TOMM20L: variants seen among roughly 807,000 people sequenced by gnomAD.
The protein encoded by TOMM20L is TOMM20-like protein 1.
TOMM20L carries 19 observed loss-of-function variants against 20.4 expected under a neutral mutation model. The observed-to-expected ratio is 0.93, with a 90% CI of 0.65 to 1.36. The LOEUF is 1.36. Ranked by LOEUF, TOMM20L falls within the 40% of genes most tolerant of loss-of-function variation. TOMM20L has a pLI of 0.00. For missense variants in TOMM20L, 218 were observed against 203.7 expected (o/e 1.07, Z -0.43); for synonymous variants, 75 against 79.6 (o/e 0.94, Z 0.30).
downstream of TOMM20L, among the ~76,000 whole-genome samples, chr14:58,413,046 C>A (rs1474103186): frequency 2.0e-5 from 3 of 152,102 alleles, no homozygotes; most frequent in African/African-American, 7.2e-5. Flanking sequence ...TCGAATACAT[C>A]AAAAATATCA....
chr14:58,407,137 A>G (rs1002943080), intron 3 of TOMM20L, among the ~76,000 whole-genome samples, 189 bp from the exon 4 acceptor site: 3 of 152,152 alleles, frequency 2.0e-5, no homozygotes, highest in African/African-American at 7.2e-5. Flanking sequence ...CAAAATTAAT[A>G]TTGCCGCTTC....
At position 58,396,342 on chromosome 14, in the gene TOMM20L, G is replaced by A. The variant is rs553187241; in HGVS notation, c.180+1G>A. 9 of 1,613,284 alleles carry A rather than the reference G, an allele frequency of 5.6e-6. No individual in the cohort carries two copies. The South Asian group carries it at 9.9e-5, about 18-fold the overall frequency. ...AAAGGCTGAGGAGCAGGGCACGCAG[G>A]TGCAGTGCTTTCGATCCGCACAGGT... is the stretch of plus-strand genomic sequence containing the variant. On this transcript the variant is annotated splice_donor_variant, in intron 2 of 4. Coordinates refer to ENST00000360945, the MANE Select transcript of TOMM20L (RefSeq NM_207377.3). LOFTEE classifies it high-confidence loss of function.
At chr14:58,404,140 T>TTTTTTA (rs2036028564) in intron 3 of TOMM20L, among the ~76,000 whole-genome samples, 1 of 16,872 alleles carries the variant, frequency 5.9e-5, no homozygotes, top group African/African-American at 1.3e-4. Flanking sequence ...TTTTTTTTTT[T>TTTTTTA]TTTTTTGGAG....
downstream of TOMM20L, chr14:58,410,908 G>C: frequency 2.5e-6 from 4 of 1,613,314 alleles, no homozygotes; most frequent in Middle Eastern, 5.0e-4. Flanking sequence ...GTCTCTGTAA[G>C]TTTATTGTAG....
downstream of TOMM20L, chr14:58,410,813 T>A (rs193180714): frequency 2.0e-6 from 3 of 1,505,626 alleles, no homozygotes; most frequent in Non-Finnish European, 2.7e-6. Context: ...TGAAGGCTTG[T>A]AGAATTTTAG....
chr14:58,405,513 T>C (rs1338376610), intron 3 of TOMM20L, among the ~76,000 whole-genome samples: 1 of 152,206 alleles, frequency 6.6e-6, no homozygotes, highest in Non-Finnish European at 1.5e-5. Context: ...TGAAATTATT[T>C]AATAGCTTTT....
At chr14:58,407,508 T>G (rs2036078718) in intron 4 of TOMM20L, 40 bp downstream of exon 4, 1 of 1,577,314 alleles carries the variant, frequency 6.3e-7, no homozygotes, top group African/African-American at 1.4e-5. Flanking sequence ...ATGTACACAG[T>G]AAATAGCTAT....
chr14:58,402,807 G>C (rs767822863), intron 3 of TOMM20L, 46 bp downstream of exon 3: 3 of 1,367,190 alleles, frequency 2.2e-6, no homozygotes, highest in Non-Finnish European at 3.1e-6. Context: ...GCTTATACTT[G>C]AGAAATATTT....
downstream of TOMM20L, chr14:58,411,898 A>G (rs1204359535): frequency 2.5e-6 from 4 of 1,613,636 alleles, no homozygotes; most frequent in Admixed American, 5.0e-5. Context: ...CTTAATTAGA[A>G]TACCTTACCT....
the TOMM20L span, among the ~76,000 whole-genome samples, chr14:58,415,995 C>T: frequency 2.7e-5 from 4 of 150,002 alleles, no homozygotes; most frequent in East Asian, 2.0e-4. Context: ...GCGGGTGGGT[C>T]GATTGAGGTC....
At chr14:58,396,365 G>A in intron 2 of TOMM20L, 24 bp downstream of exon 2, 2 of 1,612,856 alleles carry the variant, frequency 1.2e-6, no homozygotes, top group South Asian at 1.1e-5. Flanking sequence ...GATCCGCACA[G>A]GTAGCTCAGT....
At chr14:58,399,922 A>G (rs1418397728) in intron 2 of TOMM20L, among the ~76,000 whole-genome samples, 3 of 138,620 alleles carry the variant, frequency 2.2e-5, no homozygotes, top group African/African-American at 7.9e-5. Flanking sequence ...ATATATATAT[A>G]TATATATTCC....
At chr14:58,396,238 G>A in intron 1 of TOMM20L, 60 bp from the exon 2 acceptor site, 1 of 1,605,316 alleles carries the variant, frequency 6.2e-7, no homozygotes, top group Non-Finnish European at 8.5e-7. Flanking sequence ...CAGGACCACT[G>A]GGCCCACGCG....
chr14:58,412,219 T>G (rs536784686), downstream of TOMM20L: 381 of 342,114 alleles, frequency 1.1e-3, no homozygotes, highest in Non-Finnish European at 1.4e-3. Context: ...CTTGGCTCAC[T>G]GCAACCTCTG....
chr14:58,401,540 A>G (rs1011135417), intron 2 of TOMM20L, among the ~76,000 whole-genome samples: 2 of 150,716 alleles, frequency 1.3e-5, no homozygotes, highest in African/African-American at 4.9e-5. Flanking sequence ...ACTGCACTCC[A>G]GCCTGGGCGA....
Position 58,407,477 on chromosome 14 carries a change from A to G in TOMM20L, c.405+9A>G, listed in dbSNP as rs529330685. On this transcript the variant is annotated intron_variant, in intron 4 of 4. Coordinates refer to ENST00000360945, the MANE Select transcript of TOMM20L (RefSeq NM_207377.3). Reference sequence around the variant, plus strand: ...TTCCCCTTATTTGCCAGGTGAGCACATATTTAATTATCTTTGTGAAATGTA... The same window carrying G: ...TTCCCCTTATTTGCCAGGTGAGCACGTATTTAATTATCTTTGTGAAATGTA... The G allele has an allele frequency of 4.4e-6, 7 of 1,607,308 alleles. No individual in the cohort carries two copies. In the South Asian group the frequency reaches 7.8e-5, roughly 18 times the overall value.
Position 58,403,504 on chromosome 14 carries a change from C to T in TOMM20L, c.262+743C>T, listed in dbSNP as rs541396402. 3.9e-5 allele frequency among the ~76,000 whole-genome samples: 6 copies of T among 152,200 alleles called. No homozygotes were observed. In the East Asian group the frequency reaches 5.8e-4, roughly 15 times the overall value. On this transcript the variant is annotated intron_variant, in intron 3 of 4. Coordinates refer to ENST00000360945, the MANE Select transcript of TOMM20L (RefSeq NM_207377.3). ...CTGTGTTTAGTGGAGTGATGCCTGT[C>T]GGGGCTACCTTACACTTAATGGTCA...
At chr14:58,411,918 G>C (rs564196618), downstream of TOMM20L, 1 of 1,613,766 alleles carries the variant, frequency 6.2e-7, no homozygotes, top group African/African-American at 1.3e-5. Flanking sequence ...TGTTTTATCT[G>C]ATCAGATTCT....
At position 58,401,052 on chromosome 14, in the gene TOMM20L, T is replaced by A. The variant is rs149513972; in HGVS notation, c.181-1628T>A. 9.2e-5 allele frequency among the ~76,000 whole-genome samples: 14 copies of A among 152,348 alleles called. No individual in the cohort carries two copies. In the East Asian group the frequency reaches 2.5e-3, roughly 27 times the overall value. On this transcript the variant is annotated intron_variant, in intron 2 of 4. Coordinates refer to ENST00000360945, the MANE Select transcript of TOMM20L (RefSeq NM_207377.3). Reference sequence around the variant, plus strand: ...GACAATTCTCCAACTAGATGTAATGTCTCTGTACTTTGAGCCCCAGAGGAC... The same window carrying A: ...GACAATTCTCCAACTAGATGTAATGACTCTGTACTTTGAGCCCCAGAGGAC...
Sources: allele counts gnomAD v4.1 joint callset (sites outside exome capture counted in the v4.1 genomes callset), GRCh38; gene constraint gnomAD v4.1.1; transcripts MANE v1.5; gene names NCBI Gene and HGNC (gene_info 2026-07-23, HGNC 2026-07-21).